Variants in GBF1 observed in about 807,000 individuals in gnomAD.
The protein encoded by GBF1 is golgi brefeldin A resistant guanine nucleotide exchange factor 1.
In GBF1, 114 loss-of-function variants were observed where a neutral mutation model predicts 210.5. The ratio of observed to expected loss-of-function variants is 0.54; its 90% CI spans 0.47 to 0.63. GBF1 has a LOEUF of 0.63. GBF1 is among the 30% of genes least tolerant of loss of function. The probability of loss-of-function intolerance (pLI) is 0.00; values close to 1 mark genes in which losing one functional copy is unlikely to be tolerated. For missense variants in GBF1, 1,851 were observed against 2,357.7 expected (o/e 0.79, Z 4.45); for synonymous variants, 850 against 889.2 (o/e 0.96, Z 0.78).
chr10:102,235,753 C>T, the GBF1 span, among the ~76,000 whole-genome samples: 8 of 152,228 alleles, frequency 5.3e-5, no homozygotes, highest in African/African-American at 1.9e-4. Context: ...AGTGAGTCAT[C>T]TGCCCAGACT....
intron 29 of GBF1, among the ~76,000 whole-genome samples, chr10:102,373,586 A>ACAT (rs2060331767): frequency 6.6e-6 from 1 of 152,204 alleles, no homozygotes; most frequent in African/African-American, 2.4e-5. Context: ...ACACAATGAG[A>ACAT]CATCACTACC....
intron 3 of GBF1, among the ~76,000 whole-genome samples, chr10:102,274,757 G>C (rs1384340809): frequency 8.3e-6 from 1 of 120,672 alleles, no homozygotes; most frequent in African/African-American, 3.3e-5. Context: ...TGTCGCCCAG[G>C]CTGGAGTACA....
chr10:102,323,239 GAAAAAAA>G (rs775888621), intron 3 of GBF1, among the ~76,000 whole-genome samples: 2 of 65,848 alleles, frequency 3.0e-5, no homozygotes, highest in South Asian at 6.1e-4. Flanking sequence ...CTCCAAAATT[GAAAAAAA>G]AAAAAAAAAA....
intron 3 of GBF1, among the ~76,000 whole-genome samples, chr10:102,287,926 G>A (rs1019974512): frequency 6.6e-6 from 1 of 152,122 alleles, no homozygotes; most frequent in Admixed American, 6.5e-5. Flanking sequence ...TGTTCACTGG[G>A]ACTTCAAGAT....
At chr10:102,380,387 C>G (rs370035927) in intron 37 of GBF1, 25 bp downstream of exon 37, 31 of 1,582,768 alleles carry the variant, frequency 2.0e-5, no homozygotes, top group Non-Finnish European at 2.3e-5. Context: ...AGCTCTGCTG[C>G]CTGCCTCCTG....
intron 3 of GBF1, among the ~76,000 whole-genome samples, chr10:102,300,393 A>G (rs556945104): frequency 6.6e-6 from 1 of 152,180 alleles, no homozygotes; most frequent in East Asian, 1.9e-4. Context: ...GCATTATTCA[A>G]CAGCTAAAAA....
chr10:102,311,027 A>G (rs975119488), intron 3 of GBF1, among the ~76,000 whole-genome samples: 1 of 152,188 alleles, frequency 6.6e-6, no homozygotes, highest in South Asian at 2.1e-4. Flanking sequence ...GTTTGCTGCC[A>G]CTTACAGAAG....
chr10:102,255,751 TCTC>T (rs1246590115), intron 1 of GBF1, among the ~76,000 whole-genome samples: 3 of 152,236 alleles, frequency 2.0e-5, no homozygotes, highest in South Asian at 2.1e-4. Context: ...ATTTCTAAGT[TCTC>T]CTCCTCCTCA....
chr10:102,319,154 A>G (rs1398615493), intron 3 of GBF1, among the ~76,000 whole-genome samples: 3 of 152,178 alleles, frequency 2.0e-5, no homozygotes, highest in African/African-American at 7.2e-5. Flanking sequence ...CGTCTCTACT[A>G]AAAATACAAA....
chr10:102,376,654 A>T lies in GBF1; in HGVS notation c.4142A>T (p.Asp1381Val). The change falls in exon 32 of 40, where the codon GAT becomes GTT. Residue 1381 changes from aspartate (D) to valine (V), a missense_variant. Asp to Val is a radical substitution (Grantham distance 152). Around this residue, in one of 3 missense-constraint regions of GBF1, gnomAD observed 967 missense variants for 1,247.7 expected, o/e 0.78. Transcript: ENST00000369983. ...CAATACAGCCTAACAGTGGGACTGG[A>T]TTTGGGGCCACACGACACTAAGTCT... ...INQYSLTVGL[D>V]LGPHDTKSLL... The T allele has an allele frequency of 6.2e-7, 1 of 1,613,850 alleles. No individual in the cohort carries two copies.
At chr10:102,374,558 C>T (rs79352088) in intron 29 of GBF1, among the ~76,000 whole-genome samples, 1 of 151,988 alleles carries the variant, frequency 6.6e-6, no homozygotes, top group Admixed American at 6.6e-5. Context: ...GCACTCCAGC[C>T]TGGGTGACAG....
At chr10:102,231,779 C>A in the GBF1 span, 4 of 1,603,052 alleles carry the variant, frequency 2.5e-6, no homozygotes, top group Non-Finnish European at 3.4e-6. Context: ...GAAGCCGAGG[C>A]CTTTTCTGAG....
chr10:102,262,925 C>A (rs2073414720), intron 3 of GBF1, among the ~76,000 whole-genome samples: 2 of 152,128 alleles, frequency 1.3e-5, no homozygotes, highest in African/African-American at 4.8e-5. Flanking sequence ...CTGGGTGTTG[C>A]TAAGCTTTCC....
upstream of GBF1, among the ~76,000 whole-genome samples, chr10:102,243,123 C>T (rs1330014636): frequency 6.6e-6 from 1 of 152,094 alleles, no homozygotes; most frequent in African/African-American, 2.4e-5. Flanking sequence ...TCCTGCACAC[C>T]TCTGGCCCTT....
In GBF1 at chr10:102,370,488, G is replaced by A. The variant is rs747472029; in HGVS notation, c.3506+10G>A. On this transcript the variant is annotated intron_variant, in intron 28 of 39. Coordinates refer to ENST00000369983, the MANE Select transcript of GBF1 (RefSeq NM_001377137.1). ...TTGTGTTGGAGAACAGGTAAGATGA[G>A]CGTAGTCTTTAGGCAGACCCCATGC... 3 of 1,598,818 alleles carry A rather than the reference G, an allele frequency of 1.9e-6. No individual in the cohort carries two copies. The highest frequency in any genetic ancestry group is 1.7e-5 in the Admixed American group (1 of 59,990).
the GBF1 span, chr10:102,232,128 G>T: frequency 4.2e-6 from 5 of 1,199,266 alleles, no homozygotes; most frequent in Non-Finnish European, 6.0e-6. Context: ...AGGGTAATGG[G>T]GGTAAAATCT....
At chr10:102,337,381 A>AC (rs887367866) in intron 3 of GBF1, among the ~76,000 whole-genome samples, 12 of 151,758 alleles carry the variant, frequency 7.9e-5, no homozygotes, top group East Asian at 1.9e-4. Flanking sequence ...AAAAAAAAAA[A>AC]AAAAACTATG....
At chr10:102,370,942 CAGAG>C in intron 29 of GBF1, 82 bp downstream of exon 29, 1 of 1,317,790 alleles carries the variant, frequency 7.6e-7, no homozygotes, top group Non-Finnish European at 1.1e-6. Flanking sequence ...TGGCCTGAGA[CAGAG>C]AGTACATTTA....
intron 3 of GBF1, among the ~76,000 whole-genome samples, chr10:102,264,320 G>T (rs2073610682): frequency 2.6e-5 from 4 of 152,070 alleles, no homozygotes. Flanking sequence ...TTCAGCTTCT[G>T]GCCCAGTTTG....
Sources: gnomAD v4.1 joint callset for allele counts (sites outside exome capture counted in the v4.1 genomes callset) on GRCh38, gnomAD v4.1.1 for gene constraint, gnomAD v4.1.1 regional missense constraint, MANE v1.5 for transcripts, NCBI Gene and HGNC (gene_info 2026-07-23, HGNC 2026-07-21) for gene names.